The following PPARG variants were observed in gnomAD, a reference collection of about 807,000 sequenced individuals.
PPARG encodes peroxisome proliferator activated receptor gamma.
Under a neutral mutation model 39.2 loss-of-function variants are expected in PPARG, and 17 were observed. The ratio of observed to expected loss-of-function variants is 0.43; its 90% confidence interval spans 0.30 to 0.65. The LOEUF (loss-of-function observed/expected upper bound fraction) is 0.65. Among genes scored for constraint, PPARG ranks in the 30% least tolerant of loss-of-function variants. PPARG has a pLI of 0.13. For synonymous variants in PPARG, 223 were observed against 215.7 expected, an observed-to-expected ratio of 1.03 and a Z score of -0.30; for missense variants, 406 against 585.9, an observed-to-expected ratio of 0.69 and a Z score of 3.17.
At chr3:12,431,235 T>C (rs1419865127) in intron 7 of PPARG, among the ~76,000 whole-genome samples, 1 of 152,160 alleles carries the variant, frequency 6.6e-6, no homozygotes, top group Non-Finnish European at 1.5e-5. Context: ...CCCAAACTTT[T>C]TACTTGGAAA....
At chr3:12,376,811 C>T (rs969629886) in intron 2 of PPARG, among the ~76,000 whole-genome samples, 21 of 152,118 alleles carry the variant, frequency 1.4e-4, no homozygotes, top group African/African-American at 5.1e-4. Flanking sequence ...AAATATTTAA[C>T]GAGCACCTAC....
At chr3:12,318,241 GT>G (rs199566793) in intron 2 of PPARG, among the ~76,000 whole-genome samples, 1 of 151,982 alleles carries the variant, frequency 6.6e-6, no homozygotes, top group Non-Finnish European at 1.5e-5. Flanking sequence ...CCCAAATGGT[GT>G]TTTTTTAAAA....
intron 1 of PPARG, among the ~76,000 whole-genome samples, chr3:12,289,913 CTTTA>C (rs1209849077): frequency 6.6e-6 from 1 of 152,042 alleles, no homozygotes; most frequent in Non-Finnish European, 1.5e-5. Flanking sequence ...ATCAAATACA[CTTTA>C]TTTGATTCCA....
At chr3:12,422,941 G>T (rs1031280833) in intron 7 of PPARG, among the ~76,000 whole-genome samples, 4 of 151,836 alleles carry the variant, frequency 2.6e-5, no homozygotes, top group African/African-American at 9.7e-5. Flanking sequence ...CAGATATTAC[G>T]TATTAATATC....
At chr3:12,422,217 CG>C (rs1337159271) in intron 7 of PPARG, among the ~76,000 whole-genome samples, 2 of 152,194 alleles carry the variant, frequency 1.3e-5, no homozygotes, top group Non-Finnish European at 2.9e-5. Flanking sequence ...GCCTACCATT[CG>C]TTGAAAGCTT....
chr3:12,319,960 G>C (rs967675779), intron 2 of PPARG, among the ~76,000 whole-genome samples: 1 of 152,088 alleles, frequency 6.6e-6, no homozygotes, highest in South Asian at 2.1e-4. Flanking sequence ...TTTTCCAAAT[G>C]AATAAATCAA....
chr3:12,433,091 G>A (rs2125321833), intron 7 of PPARG, among the ~76,000 whole-genome samples: 1 of 152,308 alleles, frequency 6.6e-6, no homozygotes, highest in African/African-American at 2.4e-5. Context: ...TTGGAAATAT[G>A]CCATATTAAG....
chr3:12,426,197 G>A (rs986716271), intron 7 of PPARG, among the ~76,000 whole-genome samples: 4 of 152,194 alleles, frequency 2.6e-5, no homozygotes, highest in African/African-American at 9.7e-5. Context: ...TTGTTATCAG[G>A]CATAGATAGG....
chr3:12,329,195 G>A (rs2047781634), intron 2 of PPARG, among the ~76,000 whole-genome samples: 2 of 148,612 alleles, frequency 1.3e-5, no homozygotes, highest in Non-Finnish European at 3.0e-5. Flanking sequence ...CTACTGCATA[G>A]TGTAATAGTG....
intron 1 of PPARG, among the ~76,000 whole-genome samples, chr3:12,309,625 T>TA (rs1242738683): frequency 1.3e-5 from 2 of 152,224 alleles, no homozygotes; most frequent in Non-Finnish European, 2.9e-5. Flanking sequence ...TTGAAAGCTT[T>TA]AAAAAATCAA....
At chr3:12,296,346 C>A (rs1393872515) in intron 1 of PPARG, among the ~76,000 whole-genome samples, 1 of 151,330 alleles carries the variant, frequency 6.6e-6, no homozygotes, top group African/African-American at 2.4e-5. Flanking sequence ...CATCCTCTGG[C>A]AGCTTGTTAG....
intron 2 of PPARG, among the ~76,000 whole-genome samples, chr3:12,343,813 G>A (rs2048251400): frequency 6.7e-6 from 1 of 149,700 alleles, no homozygotes; most frequent in African/African-American, 2.5e-5. Context: ...CATTCTTTCT[G>A]AGCTTGTTTC....
At chr3:12,305,634 TG>T (rs1410101730) in intron 1 of PPARG, 1 of 152,216 alleles carries the variant, frequency 6.6e-6, no homozygotes, top group Non-Finnish European at 1.5e-5. Context: ...GTATCTTTAT[TG>T]TCTAGAACAC....
At chr3:12,411,901 A>C (rs2050892519) in intron 6 of PPARG, among the ~76,000 whole-genome samples, 1 of 152,222 alleles carries the variant, frequency 6.6e-6, no homozygotes, top group South Asian at 2.1e-4. Flanking sequence ...AGAAGGAAAC[A>C]AAATGAAGAA....
At chr3:12,299,086 C>G (rs2046864192) in intron 1 of PPARG, among the ~76,000 whole-genome samples, 1 of 152,180 alleles carries the variant, frequency 6.6e-6, no homozygotes, top group African/African-American at 2.4e-5. Flanking sequence ...CCTCTGGCCT[C>G]TGCCTCCCAA....
chr3:12,391,504 AAAGAAAG>A (rs1217743215), intron 4 of PPARG, among the ~76,000 whole-genome samples: 1 of 152,164 alleles, frequency 6.6e-6, no homozygotes, highest in Non-Finnish European at 1.5e-5. Context: ...CTTCTTGAGG[AAAGAAAG>A]AAGTCAAGAG....
chr3:12,429,701 C>T (rs2051590992), intron 7 of PPARG, among the ~76,000 whole-genome samples: 1 of 152,168 alleles, frequency 6.6e-6, no homozygotes. Flanking sequence ...TTTAGATGCA[C>T]GTCTGCCTCT....
At chr3:12,392,550 T>G (rs2050113683) in intron 4 of PPARG, 64 bp from the exon 5 acceptor site, 2 of 1,578,804 alleles carry the variant, frequency 1.3e-6, no homozygotes, top group South Asian at 1.1e-5. Context: ...TACCTTTCGC[T>G]GTAGGTTGCT....
intron 4 of PPARG, among the ~76,000 whole-genome samples, chr3:12,390,117 A>G (rs1421669662): frequency 6.6e-6 from 1 of 152,228 alleles, no homozygotes; most frequent in Non-Finnish European, 1.5e-5. Flanking sequence ...AGCCAGGGAC[A>G]TACAAATCAA....
Sources: gnomAD v4.1 joint callset for allele counts (sites outside exome capture counted in the v4.1 genomes callset) on GRCh38, gnomAD v4.1.1 for gene constraint, MANE v1.5 for transcripts, NCBI Gene and HGNC (gene_info 2026-07-23, HGNC 2026-07-21) for gene names.